The following RSU1 variants were observed in gnomAD, a reference collection of about 807,000 sequenced individuals.
RSU1 encodes the protein rsu-1.
Under a neutral mutation model 31.1 loss-of-function variants are expected in RSU1, and 26 were observed. That is an observed-to-expected ratio of 0.84 (90% confidence interval 0.61 to 1.16). The LOEUF is 1.16. RSU1 is among the 50% of genes most tolerant of loss of function. The probability of loss-of-function intolerance (pLI) is 0.00; values close to 1 mark genes in which losing one functional copy is unlikely to be tolerated. For missense variants in RSU1, 320 were observed against 339.1 expected, an observed-to-expected ratio of 0.94 and a Z score of 0.44; for synonymous variants, 164 against 136.3, an observed-to-expected ratio of 1.20 and a Z score of -1.41.
intron 8 of RSU1, among the ~76,000 whole-genome samples, chr10:16,604,905 C>T (rs1833776059): frequency 6.6e-6 from 1 of 152,124 alleles, no homozygotes; most frequent in African/African-American, 2.4e-5. Flanking sequence ...AAGAAAAGTC[C>T]TTTCTTTTCT....
intron 8 of RSU1, among the ~76,000 whole-genome samples, chr10:16,647,781 T>C (rs933818305): frequency 3.9e-5 from 6 of 152,178 alleles, no homozygotes; most frequent in African/African-American, 1.4e-4. Flanking sequence ...TATAAAAAGC[T>C]ACTGAAGTGC....
chr10:16,671,300 T>A (rs1835101005), intron 8 of RSU1, among the ~76,000 whole-genome samples: 1 of 152,186 alleles, frequency 6.6e-6, no homozygotes, highest in Non-Finnish European at 1.5e-5. Context: ...TGCCTTGTCC[T>A]CCCAAAGAGC....
chr10:16,679,869 GTTTTT>G (rs71374699), intron 8 of RSU1, among the ~76,000 whole-genome samples: 1 of 124,652 alleles, frequency 8.0e-6, no homozygotes, highest in African/African-American at 3.2e-5. Context: ...AAAGACTCAA[GTTTTT>G]TTTTTTTTTT....
chr10:16,743,874 T>A (rs899368045), intron 7 of RSU1, among the ~76,000 whole-genome samples: 5 of 152,306 alleles, frequency 3.3e-5, no homozygotes, highest in African/African-American at 1.2e-4. Context: ...CTGATTCCTG[T>A]AATCCTAACA....
intron 2 of RSU1, among the ~76,000 whole-genome samples, chr10:16,791,351 T>G (rs1269842185): frequency 6.6e-6 from 1 of 151,460 alleles, no homozygotes; most frequent in Non-Finnish European, 1.5e-5. Flanking sequence ...ATAAAAAAAC[T>G]GGGCAGGTGT....
At chr10:16,677,996 C>CA (rs769856545) in intron 8 of RSU1, among the ~76,000 whole-genome samples, 33 of 148,644 alleles carry the variant, frequency 2.2e-4, no homozygotes, top group East Asian at 1.6e-3. Flanking sequence ...AGAAAAGAAA[C>CA]AAAAAAAAAA....
intron 8 of RSU1, among the ~76,000 whole-genome samples, chr10:16,659,437 G>A (rs930188103): frequency 6.7e-6 from 1 of 150,198 alleles, no homozygotes; most frequent in Admixed American, 6.7e-5. Context: ...TCAGGATCTG[G>A]TTTCATTTTG....
intron 3 of RSU1, among the ~76,000 whole-genome samples, chr10:16,779,677 C>A (rs1189130520): frequency 6.6e-6 from 1 of 152,148 alleles, no homozygotes; most frequent in African/African-American, 2.4e-5. Context: ...GTGGCGTTGT[C>A]AGCTGGTCCC....
intron 2 of RSU1, among the ~76,000 whole-genome samples, chr10:16,811,103 T>C (rs976759595): frequency 1.3e-5 from 2 of 152,162 alleles, no homozygotes; most frequent in Admixed American, 1.3e-4. Context: ...TTACTGTATG[T>C]TTTTGTATAA....
At chr10:16,756,705 T>A (rs771748942) in intron 4 of RSU1, among the ~76,000 whole-genome samples, 1 of 152,186 alleles carries the variant, frequency 6.6e-6, no homozygotes, top group Non-Finnish European at 1.5e-5. Flanking sequence ...TATTAGGAAT[T>A]AAGATTTTTC....
intron 7 of RSU1, among the ~76,000 whole-genome samples, chr10:16,736,400 T>C (rs190546951): frequency 6.6e-6 from 1 of 152,236 alleles, no homozygotes; most frequent in East Asian, 1.9e-4. Flanking sequence ...AGCACCCTGG[T>C]CAAGAGGCAG....
rs149346139 is a variant in RSU1 at position 16,673,533 on chromosome 10, C to G, written c.731+21490G>C. On this transcript the variant is annotated intron_variant, in intron 8 of 8. Transcript: ENST00000345264. Reference sequence around the variant, plus strand: ...TTCCATCTGTGAGAAAATTTAAGCTCAAATGGAGAAGCCCTGTCTTGACAG... The same window carrying G: ...TTCCATCTGTGAGAAAATTTAAGCTGAAATGGAGAAGCCCTGTCTTGACAG... Among the ~76,000 whole-genome samples the G allele has an allele frequency of 2.0e-5, 3 of 152,296 alleles. No individual in the cohort carries two copies. In the East Asian group the frequency reaches 5.8e-4, roughly 29 times the overall value.
intron 8 of RSU1, among the ~76,000 whole-genome samples, chr10:16,598,697 C>T (rs1289158108): frequency 1.3e-5 from 2 of 152,226 alleles, no homozygotes; most frequent in Non-Finnish European, 2.9e-5. Context: ...AAATGCTCTT[C>T]CCTAGAATCT....
chr10:16,735,811 T>C (rs144936011), intron 7 of RSU1, among the ~76,000 whole-genome samples: 49 of 152,308 alleles, frequency 3.2e-4, no homozygotes, highest in African/African-American at 1.2e-3. Flanking sequence ...GCACCTATGA[T>C]TCATTTGTCT....
At chr10:16,632,216 A>G (rs1834263659) in intron 8 of RSU1, among the ~76,000 whole-genome samples, 1 of 152,234 alleles carries the variant, frequency 6.6e-6, no homozygotes, top group African/African-American at 2.4e-5. Context: ...TGGTACATAC[A>G]TGAGATCAAC....
At chr10:16,789,591 G>A (rs1207605171) in intron 2 of RSU1, among the ~76,000 whole-genome samples, 1 of 152,166 alleles carries the variant, frequency 6.6e-6, no homozygotes, top group African/African-American at 2.4e-5. Context: ...AGGGAGAAAA[G>A]GTCTACCGAA....
At chr10:16,751,954 G>A (rs935183819) in intron 7 of RSU1, among the ~76,000 whole-genome samples, 2 of 152,092 alleles carry the variant, frequency 1.3e-5, no homozygotes, top group African/African-American at 2.4e-5. Flanking sequence ...CGACCTGGCA[G>A]AGAAACAGGA....
chr10:16,729,027 T>C (rs987981393), intron 7 of RSU1, among the ~76,000 whole-genome samples: 15 of 152,350 alleles, frequency 9.8e-5, no homozygotes, highest in Admixed American at 5.9e-4. Context: ...TCATTGTTTA[T>C]AGCAGCAATA....
chr10:16,787,527 G>A (rs1371452922), intron 2 of RSU1, among the ~76,000 whole-genome samples: 2 of 152,108 alleles, frequency 1.3e-5, no homozygotes, highest in Admixed American at 6.5e-5. Context: ...CTGCGTCCTC[G>A]CCCAAATCTC....
Sources: gnomAD v4.1 joint callset for allele counts (sites outside exome capture counted in the v4.1 genomes callset) on GRCh38, gnomAD v4.1.1 for gene constraint, MANE v1.5 for transcripts, NCBI Gene and HGNC (gene_info 2026-07-23, HGNC 2026-07-21) for gene names.